Variants in MBD5 observed in about 807,000 individuals in gnomAD.
The protein encoded by MBD5 is methyl-CpG-binding domain protein 5.
A neutral mutation model predicts 117.3 loss-of-function variants in MBD5; 13 were observed. The observed-to-expected ratio is 0.11, with a 90% CI of 0.07 to 0.18. MBD5 has a LOEUF of 0.18. Ranked by LOEUF, MBD5 falls within the 10% of genes least tolerant of loss-of-function variation. The pLI, the probability that MBD5 is intolerant of heterozygous loss-of-function variation, is 1.00. For missense variants in MBD5, 1,879 were observed against 2,093.8 expected, an observed-to-expected ratio of 0.90 and a Z score of 2.00; for synonymous variants, 727 against 766.4, an observed-to-expected ratio of 0.95 and a Z score of 0.85.
chr2:148,501,241 T>C (rs1253504207), intron 11 of MBD5, among the ~76,000 whole-genome samples: 1 of 152,244 alleles, frequency 6.6e-6, no homozygotes, highest in African/African-American at 2.4e-5. Flanking sequence ...AGAAGTTATT[T>C]CTAAAGGACA....
intron 1 of MBD5, among the ~76,000 whole-genome samples, chr2:148,170,340 C>T (rs1190209600): frequency 1.3e-5 from 2 of 152,184 alleles, no homozygotes; most frequent in Admixed American, 1.3e-4. Flanking sequence ...GAAGTATGCT[C>T]AGGCTAAAAT....
intron 4 of MBD5, among the ~76,000 whole-genome samples, chr2:148,456,224 G>A (rs1035220971): frequency 2.0e-5 from 3 of 152,124 alleles, no homozygotes; most frequent in Non-Finnish European, 4.4e-5. Context: ...TCTGGAGGCT[G>A]GGAGATCCAA....
intron 1 of MBD5, among the ~76,000 whole-genome samples, chr2:148,136,639 C>A (rs1464631092): frequency 6.6e-6 from 1 of 152,192 alleles, no homozygotes; most frequent in Non-Finnish European, 1.5e-5. Context: ...AATAAAGTTA[C>A]TTGGCTAACA....
chr2:148,209,375 G>A (rs1699366338), intron 2 of MBD5, among the ~76,000 whole-genome samples: 1 of 152,054 alleles, frequency 6.6e-6, no homozygotes, highest in South Asian at 2.1e-4. Context: ...TATAAAAGTG[G>A]CCCAAGGAAA....
chr2:148,325,099 G>T (rs1177161627), intron 3 of MBD5, among the ~76,000 whole-genome samples: 1 of 152,074 alleles, frequency 6.6e-6, no homozygotes, highest in Admixed American at 6.6e-5. Context: ...TAATCATGTG[G>T]TTTTTGTCTT....
intron 1 of MBD5, among the ~76,000 whole-genome samples, chr2:148,140,290 GTAAC>G (rs1697282347): frequency 6.6e-6 from 1 of 151,988 alleles, no homozygotes; most frequent in African/African-American, 2.4e-5. Flanking sequence ...GCATTTTAGT[GTAAC>G]TAAATTGAAA....
intron 4 of MBD5, among the ~76,000 whole-genome samples, chr2:148,421,921 A>G (rs1705620230): frequency 6.6e-6 from 1 of 152,248 alleles, no homozygotes; most frequent in East Asian, 1.9e-4. Flanking sequence ...AAAGAAAGGC[A>G]GTAGCCCCAG....
intron 3 of MBD5, among the ~76,000 whole-genome samples, chr2:148,329,944 A>G (rs989688575): frequency 6.6e-6 from 1 of 151,784 alleles, no homozygotes; most frequent in Non-Finnish European, 1.5e-5. Context: ...AAATATTTTT[A>G]TATCTATCAT....
chr2:148,492,191 G>A (rs1681548389), intron 11 of MBD5, among the ~76,000 whole-genome samples: 1 of 150,984 alleles, frequency 6.6e-6, no homozygotes, highest in Admixed American at 6.6e-5. Flanking sequence ...AAAAAACGAA[G>A]AGAAAAATAT....
intron 1 of MBD5, among the ~76,000 whole-genome samples, chr2:148,135,979 G>A (rs1697162662): frequency 6.6e-6 from 1 of 152,114 alleles, no homozygotes; most frequent in Non-Finnish European, 1.5e-5. Context: ...CCCTAGCAGG[G>A]AACAAAACTG....
chr2:148,107,541 T>G (rs1443027260), intron 1 of MBD5, among the ~76,000 whole-genome samples: 1 of 152,030 alleles, frequency 6.6e-6, no homozygotes, highest in Non-Finnish European at 1.5e-5. Context: ...CTCTCGAGAC[T>G]ATATTTGGTA....
chr2:148,121,272 T>C (rs1696761356), intron 1 of MBD5, among the ~76,000 whole-genome samples: 1 of 152,200 alleles, frequency 6.6e-6, no homozygotes, highest in Non-Finnish European at 1.5e-5. Context: ...AGTGCTAATA[T>C]ACCTTGGTCG....
chr2:148,499,294 C>T, intron 11 of MBD5, among the ~76,000 whole-genome samples: 1 of 152,112 alleles, frequency 6.6e-6, no homozygotes, highest in Non-Finnish European at 1.5e-5. Context: ...CAGAGCAAGA[C>T]CCTGTTAAAA....
At chr2:148,407,919 C>A (rs1258485940) in intron 4 of MBD5, among the ~76,000 whole-genome samples, 1 of 152,104 alleles carries the variant, frequency 6.6e-6, no homozygotes, top group Non-Finnish European at 1.5e-5. Context: ...CAAAAACAAC[C>A]AATCAATAGC....
At chr2:148,467,305 G>GAA (rs1364110217) in intron 7 of MBD5, among the ~76,000 whole-genome samples, 1 of 152,160 alleles carries the variant, frequency 6.6e-6, no homozygotes, top group African/African-American at 2.4e-5. Context: ...GTGATAGAAT[G>GAA]AAAATTCTGT....
chr2:148,239,513 T>C (rs965197302), intron 3 of MBD5, among the ~76,000 whole-genome samples: 20 of 152,112 alleles, frequency 1.3e-4, no homozygotes, highest in Non-Finnish European at 4.4e-5. Flanking sequence ...AAGATTTCCT[T>C]TTCCATATTT....
At chr2:148,271,253 G>A (rs994405807) in intron 3 of MBD5, among the ~76,000 whole-genome samples, 1 of 151,946 alleles carries the variant, frequency 6.6e-6, no homozygotes, top group Non-Finnish European at 1.5e-5. Context: ...TTTAATTTTT[G>A]GAGTTCAGTG....
At chr2:148,407,370 TTG>T (rs1281780674) in intron 4 of MBD5, among the ~76,000 whole-genome samples, 6 of 138,728 alleles carry the variant, frequency 4.3e-5, no homozygotes, top group Non-Finnish European at 9.5e-5. Flanking sequence ...GTGTGTGTGT[TTG>T]TGTGTGTGTG....
chr2:148,433,881 A>C (rs1272103621), intron 4 of MBD5, among the ~76,000 whole-genome samples: 1 of 149,176 alleles, frequency 6.7e-6, no homozygotes, highest in Non-Finnish European at 1.5e-5. Flanking sequence ...GTTAGGGAGG[A>C]GTCCCTCCTC....
Sources: allele counts gnomAD v4.1 joint callset (sites outside exome capture counted in the v4.1 genomes callset), GRCh38; gene constraint gnomAD v4.1.1; transcripts MANE v1.5; gene names NCBI Gene and HGNC (gene_info 2026-07-23, HGNC 2026-07-21).